Variants in IMPDH1 observed in about 807,000 individuals in gnomAD.
IMPDH1 encodes inosine monophosphate dehydrogenase 1.
In IMPDH1, 41 loss-of-function variants were observed where a neutral mutation model predicts 73.5. The ratio of observed to expected loss-of-function variants is 0.56; its 90% CI spans 0.43 to 0.72. The LOEUF (loss-of-function observed/expected upper bound fraction) is 0.72. Among genes scored for constraint, IMPDH1 ranks in the 30% least tolerant of loss-of-function variants. The probability of loss-of-function intolerance (pLI) is 0.00; values close to 1 mark genes in which losing one functional copy is unlikely to be tolerated. For synonymous variants in IMPDH1, 318 were observed against 334.3 expected (o/e 0.95, Z 0.53); for missense variants, 645 against 824.8 (o/e 0.78, Z 2.67).
In IMPDH1 at chr7:128,409,931, G is replaced by A. The variant is rs1040754245; in HGVS notation, c.-30C>T. 7.5e-7 allele frequency: 1 copy of A among 1,335,312 alleles called. No homozygotes were observed. 82.7% of individuals were successfully genotyped at this position (1,335,312 alleles called of 1,614,324 possible). A position where few individuals can be genotyped will look rare whatever the true frequency, so the allele number is the denominator to read the frequency against. ...AGGCCGCAGCTCAGGGCGGGCGGGA[G>A]CCTGGAGGCTCCCGGGGCCCCGGCT... On this transcript the variant is annotated 5_prime_UTR_variant, in exon 1 of 17. Transcript: ENST00000338791.
At position 128,396,716 on chromosome 7, in the gene IMPDH1, G is replaced by T; in HGVS notation, c.1166-21C>A. 6.5e-7 allele frequency: 1 copy of T among 1,537,574 alleles called. No homozygotes were observed. Among genetic ancestry groups the T allele is most frequent in the Non-Finnish European group, 8.8e-7 (1 of 1,134,464 alleles). ...CACCACTGGGGGTGGGGATGGGGCA[G>T]AGGAACAATGTGAGGATGGGATGCC... On this transcript the variant is annotated intron_variant, in intron 11 of 16. Transcript: ENST00000338791. This position sits in a 1 kb window ranked among gnomAD's most constrained non-coding sequence, Gnocchi z 4.0.
chr7:128,397,072 A>G (rs773667253), intron 10 of IMPDH1, 50 bp from the exon 11 acceptor site: 2 of 1,318,510 alleles, frequency 1.5e-6, no homozygotes, highest in South Asian at 2.3e-5. Context: ...AGGATTCTCA[A>G]GGCAGGAGGG....
chr7:128,400,941 C>A, intron 6 of IMPDH1, 50 bp from the exon 7 acceptor site: 1 of 1,598,816 alleles, frequency 6.3e-7, no homozygotes, highest in South Asian at 1.1e-5. Flanking sequence ...TCCTCCTCAG[C>A]CCTGCCCCTC....
At position 128,396,457 on chromosome 7, in the gene IMPDH1, G is replaced by A. The variant is rs896988554; in HGVS notation, c.1261+143C>T. On this transcript the variant is annotated intron_variant, in intron 12 of 16. Transcript: ENST00000338791. The surrounding 1 kb of genome is among the most constrained non-coding windows in gnomAD (Gnocchi z 4.0). ...TGCCTTCCCCTAAGTCAGTGGGCCC[G>A]ATGGGGTGGGGCCCATGCCTGGGTC... 37 of 728,208 alleles carry A rather than the reference G, an allele frequency of 5.1e-5. No homozygotes were observed. The highest frequency in any genetic ancestry group is 8.1e-5 in the Non-Finnish European group (33 of 405,706). The allele number at this position is 728,208 out of a possible 1,614,324, so 45.1% of individuals were successfully genotyped here. A position where few individuals can be genotyped will look rare whatever the true frequency, so the allele number is the denominator to read the frequency against.
At chr7:128,408,882 G>A (rs1798951228) in intron 3 of IMPDH1, among the ~76,000 whole-genome samples, 1 of 152,156 alleles carries the variant, frequency 6.6e-6, no homozygotes, top group East Asian at 1.9e-4. Context: ...CAGCCCCACT[G>A]CCGAGGAGCC....
chr7:128,409,142 G>A, intron 3 of IMPDH1, 147 bp downstream of exon 3: 2 of 756,352 alleles, frequency 2.6e-6, no homozygotes, highest in South Asian at 3.0e-5. Flanking sequence ...CTGGGGCCCA[G>A]CTCACTACCC....
intron 3 of IMPDH1, among the ~76,000 whole-genome samples, chr7:128,406,485 A>G (rs912745829): frequency 1.3e-5 from 2 of 151,516 alleles, no homozygotes; most frequent in Non-Finnish European, 2.9e-5. Flanking sequence ...AGCACTAAGG[A>G]CTTTGAGGTT....
intron 3 of IMPDH1, among the ~76,000 whole-genome samples, chr7:128,406,682 A>G (rs1013876237): frequency 3.3e-5 from 5 of 152,130 alleles, no homozygotes; most frequent in Non-Finnish European, 7.4e-5. Flanking sequence ...GGCAAAATCT[A>G]TAGTTCGGAA....
chr7:128,401,745 A>C (rs561672685), intron 5 of IMPDH1, among the ~76,000 whole-genome samples: 47 of 152,308 alleles, frequency 3.1e-4, no homozygotes, highest in South Asian at 2.1e-3. Context: ...GTAGGCATGG[A>C]AAAGAGTCTT....
In IMPDH1 at chr7:128,394,871, G is replaced by T. The variant is rs368431204; in HGVS notation, c.1550+18C>A. The T allele has an allele frequency of 1.1e-5, 17 of 1,610,684 alleles. No homozygotes were observed. The highest frequency in any genetic ancestry group is 1.3e-5 in the African/African-American group (1 of 74,846). ...GTTGTGGGCTGATCTGCCCAGGTGGGGCCCAGGGTCAGGGAACCTGAAGTA... is the reference window on the plus strand; with the variant it reads ...GTTGTGGGCTGATCTGCCCAGGTGGTGCCCAGGGTCAGGGAACCTGAAGTA... On this transcript the variant is annotated intron_variant, in intron 14 of 16. Coordinates refer to ENST00000338791, the MANE Select transcript of IMPDH1 (RefSeq NM_000883.4). This position sits in a 1 kb window ranked among gnomAD's most constrained non-coding sequence, Gnocchi z 5.5.
chr7:128,395,386 G>A (rs1170051657), intron 12 of IMPDH1, 112 bp from the exon 13 acceptor site: 2 of 1,270,778 alleles, frequency 1.6e-6, no homozygotes, highest in Non-Finnish European at 1.1e-6. Context: ...CAGGAAAAGG[G>A]ACAGGGCTGG....
chr7:128,400,322 C>T lies in IMPDH1; in HGVS notation c.786+11G>A, dbSNP rs1283710709. Reference sequence around the variant, plus strand: ...CTACACCCAGCCCTGCTTCCCCTGCCCTGCAGGTACCTCACTGAGGAGGGT... The same window carrying T: ...CTACACCCAGCCCTGCTTCCCCTGCTCTGCAGGTACCTCACTGAGGAGGGT... On this transcript the variant is annotated intron_variant, in intron 8 of 16. Coordinates refer to ENST00000338791, the MANE Select transcript of IMPDH1 (RefSeq NM_000883.4). The T allele has an allele frequency of 1.2e-6, 2 of 1,613,036 alleles. No individual in the cohort carries two copies. The highest frequency in any genetic ancestry group is 2.2e-5 in the East Asian group (1 of 44,860).
In IMPDH1 at chr7:128,400,123, T is replaced by C. The variant is rs772876119; in HGVS notation, c.846A>G (p.Ala282=). The change falls in exon 9 of 17, where the codon GCA becomes GCG. Residue 282 remains alanine, a synonymous_variant. Coordinates refer to ENST00000338791, the MANE Select transcript of IMPDH1 (RefSeq NM_000883.4). ...TCTTGCTACGCTGCAGGATCTCATT[T>C]GCCTCTTTCAACGTCACACCTGCTG... ...VAPAGVTLKE[A]NEILQRSKKG... 1.2e-6 allele frequency: 2 copies of C among 1,613,806 alleles called. No homozygotes were observed. The highest frequency in any genetic ancestry group is 3.3e-5 in the Admixed American group (2 of 60,028).
At chr7:128,408,434 C>T (rs1228542630) in intron 3 of IMPDH1, among the ~76,000 whole-genome samples, 1 of 152,138 alleles carries the variant, frequency 6.6e-6, no homozygotes, top group Non-Finnish European at 1.5e-5. Context: ...CAGGACTGCT[C>T]ACAGAATCCT....
In IMPDH1 at chr7:128,394,749, G is replaced by A. The variant is rs1185306941; in HGVS notation, c.1550+140C>T. 1.4e-6 allele frequency: 2 copies of A among 1,388,480 alleles called. No individual in the cohort carries two copies. 86.0% of individuals were successfully genotyped at this position (1,388,480 alleles called of 1,614,324 possible). A position where few individuals can be genotyped will look rare whatever the true frequency, so the allele number is the denominator to read the frequency against. ...TCAGATGGCCCAGGGACAGATCCTG[G>A]GTCTGCTACTTAAGCCCTGTGCCTC... On this transcript the variant is annotated intron_variant, in intron 14 of 16. Coordinates refer to ENST00000338791, the MANE Select transcript of IMPDH1 (RefSeq NM_000883.4). The surrounding 1 kb of genome is among the most constrained non-coding windows in gnomAD (Gnocchi z 5.5).
chr7:128,402,977 C>A (rs1798443738), intron 5 of IMPDH1, among the ~76,000 whole-genome samples: 1 of 152,200 alleles, frequency 6.6e-6, no homozygotes, highest in African/African-American at 2.4e-5. Flanking sequence ...TTTCAAATCT[C>A]CATAATTTCA....
Position 128,394,687 on chromosome 7 carries a change from C to G in IMPDH1, c.1551-88G>C, listed in dbSNP as rs1380811891. The G allele has an allele frequency of 7.8e-6, 12 of 1,540,114 alleles. 1 individual carries two copies. Among genetic ancestry groups the G allele is most frequent in the Non-Finnish European group, 1.1e-5 (12 of 1,125,974 alleles). On this transcript the variant is annotated intron_variant, in intron 14 of 16. Transcript: ENST00000338791. This position sits in a 1 kb window ranked among gnomAD's most constrained non-coding sequence, Gnocchi z 5.5. ...TTAAGGGCAAAAACGGGATACCGCC[C>G]AGGAAGGTCCCCCAGGCCACCCCTC... is the stretch of plus-strand genomic sequence containing the variant.
At chr7:128,399,148 G>C (rs1160103401) in intron 9 of IMPDH1, among the ~76,000 whole-genome samples, 1 of 152,116 alleles carries the variant, frequency 6.6e-6, no homozygotes, top group Admixed American at 6.5e-5. Flanking sequence ...TGGATCACTT[G>C]AGGCCAGGAG....
In IMPDH1 at chr7:128,395,323, C is replaced by T. The variant is rs369451630; in HGVS notation, c.1262-49G>A. 4.7e-5 allele frequency: 75 copies of T among 1,607,568 alleles called. No individual in the cohort carries two copies. In the East Asian group the frequency reaches 7.4e-4, roughly 16 times the overall value. ...GGCAGAGAAGAGTCAACAGCAACTC[C>T]GGGGCCTGGAGCGGGGCCAGCCCAG... On this transcript the variant is annotated intron_variant, in intron 12 of 16. Coordinates refer to ENST00000338791, the MANE Select transcript of IMPDH1 (RefSeq NM_000883.4).
Sources: gnomAD v4.1 joint callset for allele counts (sites outside exome capture counted in the v4.1 genomes callset) on GRCh38, gnomAD v4.1.1 for gene constraint, Gnocchi (gnomAD v3.1) non-coding constraint, MANE v1.5 for transcripts, NCBI Gene and HGNC (gene_info 2026-07-23, HGNC 2026-07-21) for gene names.